STXBP5L: variants seen among roughly 807,000 people sequenced by gnomAD.
STXBP5L encodes the protein syntaxin binding protein 5L.
STXBP5L carries 65 observed loss-of-function variants against 144.5 expected under a neutral mutation model. The observed-to-expected ratio is 0.45, with a 90% CI of 0.37 to 0.55. The LOEUF (loss-of-function observed/expected upper bound fraction) is 0.55, where lower values mean the gene tolerates loss of function less well. Ranked by LOEUF, STXBP5L falls within the 20% of genes least tolerant of loss-of-function variation. The pLI, the probability that STXBP5L is intolerant of heterozygous loss-of-function variation, is 0.00. For missense variants in STXBP5L, 1,298 were observed against 1,405.5 expected, an observed-to-expected ratio of 0.92 and a Z score of 1.22; for synonymous variants, 505 against 469.6, an observed-to-expected ratio of 1.08 and a Z score of -0.97.
intron 22 of STXBP5L, among the ~76,000 whole-genome samples, chr3:121,387,888 C>CT (rs1560045842): frequency 1.3e-5 from 2 of 152,104 alleles, no homozygotes; most frequent in South Asian, 4.1e-4. Context: ...GATGCAGGCT[C>CT]TTTTTTGGTT....
At chr3:121,333,696 C>A (rs1218568323) in intron 20 of STXBP5L, among the ~76,000 whole-genome samples, 3 of 151,856 alleles carry the variant, frequency 2.0e-5, no homozygotes, top group Admixed American at 6.6e-5. Context: ...AGGGAGGTTA[C>A]CACTGACCCC....
intron 5 of STXBP5L, among the ~76,000 whole-genome samples, chr3:121,075,449 G>A (rs1272670369): frequency 6.6e-6 from 1 of 151,950 alleles, no homozygotes; most frequent in African/African-American, 2.4e-5. Context: ...CTTCTCTCTT[G>A]GCCTCCTCAT....
intron 3 of STXBP5L, among the ~76,000 whole-genome samples, chr3:121,034,606 C>T (rs1946627869): frequency 6.6e-6 from 1 of 151,974 alleles, no homozygotes; most frequent in South Asian, 2.1e-4. Context: ...CTCACATTTT[C>T]TTTATCGAAC....
intron 20 of STXBP5L, among the ~76,000 whole-genome samples, chr3:121,346,871 G>C (rs142447887): frequency 0.15 from 22,361 of 152,120 alleles, 1,844 homozygotes; most frequent in South Asian, 0.28. Flanking sequence ...CAGATGAGTA[G>C]GTTGCAAAAA....
At chr3:121,294,389 T>C (rs138437001) in intron 19 of STXBP5L, among the ~76,000 whole-genome samples, 63 of 152,304 alleles carry the variant, frequency 4.1e-4, no homozygotes, top group African/African-American at 1.4e-3. Context: ...AAGCTTGAGA[T>C]AGGAGGGGGC....
chr3:121,157,251 C>T (rs971076650), intron 8 of STXBP5L, among the ~76,000 whole-genome samples: 8 of 151,878 alleles, frequency 5.3e-5, no homozygotes, highest in Middle Eastern at 3.2e-3. Flanking sequence ...AAATGCTTGC[C>T]TTGGGGTTTG....
At chr3:121,090,004 A>C (rs1212314028) in intron 5 of STXBP5L, among the ~76,000 whole-genome samples, 1 of 151,956 alleles carries the variant, frequency 6.6e-6, no homozygotes, top group Admixed American at 6.6e-5. Flanking sequence ...AAACCTTTTC[A>C]TGATTACTTC....
At chr3:121,156,693 C>G (rs935640352) in intron 8 of STXBP5L, among the ~76,000 whole-genome samples, 15 of 151,604 alleles carry the variant, frequency 9.9e-5, no homozygotes, top group African/African-American at 3.6e-4. Flanking sequence ...ATTCAACTAA[C>G]TATAATAGGA....
chr3:120,909,272 C>G (rs1283327981), intron 1 of STXBP5L: 4 of 290,762 alleles, frequency 1.4e-5, no homozygotes, highest in Non-Finnish European at 1.9e-5. Context: ...TTATTTTTAC[C>G]CCAGTGCTGA....
At chr3:121,159,257 A>G (rs2046228143) in intron 9 of STXBP5L, among the ~76,000 whole-genome samples, 1 of 152,008 alleles carries the variant, frequency 6.6e-6, no homozygotes, top group Non-Finnish European at 1.5e-5. Context: ...TATAATTCCT[A>G]TTATAATTCT....
intron 5 of STXBP5L, among the ~76,000 whole-genome samples, chr3:121,112,732 A>G (rs1294479099): frequency 6.6e-6 from 1 of 152,150 alleles, no homozygotes; most frequent in Non-Finnish European, 1.5e-5. Context: ...ATATTGATAT[A>G]GGAATAAGAT....
intron 3 of STXBP5L, among the ~76,000 whole-genome samples, chr3:120,991,338 C>T (rs1248535254): frequency 1.3e-5 from 2 of 151,468 alleles, no homozygotes. Context: ...ACAACAGGTG[C>T]TGGAGAGGAT....
chr3:120,913,047 C>A (rs1708926910), intron 2 of STXBP5L, among the ~76,000 whole-genome samples: 1 of 151,990 alleles, frequency 6.6e-6, no homozygotes, highest in Non-Finnish European at 1.5e-5. Context: ...ACCACTGCCA[C>A]CTCAACTACC....
intron 3 of STXBP5L, among the ~76,000 whole-genome samples, chr3:120,982,558 G>T (rs1056793996): frequency 3.9e-5 from 6 of 152,334 alleles, no homozygotes; most frequent in African/African-American, 1.4e-4. Context: ...CCAGGCCACA[G>T]TGTAACTGAG....
At chr3:120,995,676 C>T (rs747647363) in intron 3 of STXBP5L, among the ~76,000 whole-genome samples, 13 of 152,076 alleles carry the variant, frequency 8.5e-5, no homozygotes, top group South Asian at 2.1e-4. Context: ...CTTACTTCCA[C>T]TTAAGTCTCC....
chr3:121,388,670 G>T (rs1386426367), intron 22 of STXBP5L, among the ~76,000 whole-genome samples: 1 of 152,144 alleles, frequency 6.6e-6, no homozygotes, highest in Admixed American at 6.6e-5. Flanking sequence ...TTTGTCATTG[G>T]TTCTGTTTAT....
chr3:121,247,554 A>C (rs1198295082), intron 14 of STXBP5L, among the ~76,000 whole-genome samples: 1 of 152,154 alleles, frequency 6.6e-6, no homozygotes, highest in Non-Finnish European at 1.5e-5. Flanking sequence ...TCCCAGTTAT[A>C]TGTGAGAACA....
intron 20 of STXBP5L, among the ~76,000 whole-genome samples, chr3:121,355,846 T>A (rs760368987): frequency 1.3e-5 from 2 of 152,236 alleles, no homozygotes; most frequent in Admixed American, 6.5e-5. Context: ...TGGTCTTTGA[T>A]GTTGGTGACC....
intron 2 of STXBP5L, among the ~76,000 whole-genome samples, chr3:120,937,278 C>T (rs1338024452): frequency 6.6e-6 from 1 of 152,188 alleles, no homozygotes; most frequent in Non-Finnish European, 1.5e-5. Context: ...TTCCCTCCCT[C>T]TGCTGGAAGC....
Sources: allele counts gnomAD v4.1 joint callset (sites outside exome capture counted in the v4.1 genomes callset), GRCh38; gene constraint gnomAD v4.1.1; transcripts MANE v1.5; gene names NCBI Gene and HGNC (gene_info 2026-07-23, HGNC 2026-07-21).